SHF: variants seen among roughly 807,000 people sequenced by gnomAD.
SHF encodes the protein SH2 domain-containing adapter protein F.
SHF carries 30 observed loss-of-function variants against 42.4 expected under a neutral mutation model. The ratio of observed to expected loss-of-function variants is 0.71; its 90% CI spans 0.53 to 0.96. The LOEUF (loss-of-function observed/expected upper bound fraction) is 0.96. SHF is among the 40% of genes least tolerant of loss of function. SHF has a pLI of 0.00. For synonymous variants in SHF, 264 were observed against 269.9 expected, an observed-to-expected ratio of 0.98 and a Z score of 0.21; for missense variants, 598 against 634.0, an observed-to-expected ratio of 0.94 and a Z score of 0.61.
chr15:45,188,930 C>A (rs1898613675), upstream of SHF, among the ~76,000 whole-genome samples: 1 of 152,118 alleles, frequency 6.6e-6, no homozygotes, highest in Admixed American at 6.5e-5. Flanking sequence ...CGGTGGCTCA[C>A]GCCTGTAATC....
chr15:45,192,021 C>T (rs1180882140), upstream of SHF, among the ~76,000 whole-genome samples: 1 of 150,848 alleles, frequency 6.6e-6, no homozygotes, highest in Non-Finnish European at 1.5e-5. Flanking sequence ...TTGCCTTATT[C>T]CTCTCCTTTT....
chr15:45,172,123 C>A, intron 5 of SHF, 24 bp downstream of exon 5: 1 of 1,613,816 alleles, frequency 6.2e-7, no homozygotes, highest in East Asian at 2.2e-5. Flanking sequence ...GGGAGGGAGT[C>A]CCCAGCTGGA....
At chr15:45,195,910 C>T (rs1898848032) in intron 2 of SHF, among the ~76,000 whole-genome samples, 1 of 152,146 alleles carries the variant, frequency 6.6e-6, no homozygotes, top group African/African-American at 2.4e-5. Flanking sequence ...CAAGCACATC[C>T]TAGTGTTCTC....
exon 1 of SHF, chr15:45,200,798 A>G (rs1318771301): frequency 2.2e-6 from 1 of 456,278 alleles, no homozygotes. Context: ...TAAGAGCTCC[A>G]GTCCCAGCCA....
upstream of SHF, among the ~76,000 whole-genome samples, chr15:45,190,378 G>T (rs1898679697): frequency 6.6e-6 from 1 of 152,220 alleles, no homozygotes; most frequent in East Asian, 1.9e-4. Flanking sequence ...GGCATGGATA[G>T]GTAACTAATA....
In SHF at chr15:45,172,243, G is replaced by C; in HGVS notation, c.1064C>G (p.Ser355Cys). 1 of 1,613,712 alleles carries C rather than the reference G, an allele frequency of 6.2e-7. No individual in the cohort carries two copies. The highest frequency in any genetic ancestry group is 1.1e-5 in the South Asian group (1 of 91,064). Reference sequence around the variant, plus strand: ...TTTGGCTGACTTGGGGTTCCCTGCAGAGAGTCGGGGAGGTAGCCGCCCCTT... The same window carrying C: ...TTTGGCTGACTTGGGGTTCCCTGCACAGAGTCGGGGAGGTAGCCGCCCCTT... ...EEKGRLPPRL[S>C]AGNPKSAKPL... Residue 355 changes from serine (S) to cysteine (C), a missense_variant, in exon 5 of 7, where the codon TCT (serine) becomes TGT (cysteine). Ser to Cys is a moderately radical substitution (Grantham distance 112). Around this residue, in one of 2 missense-constraint regions of SHF, gnomAD observed 439 missense variants for 524.6 expected, o/e 0.84. Transcript: ENST00000690270.
intron 1 of SHF, among the ~76,000 whole-genome samples, chr15:45,179,291 C>T (rs1648307): frequency 0.39 from 58,856 of 152,152 alleles, 14,177 homozygotes; most frequent in Non-Finnish European, 0.55. Flanking sequence ...GTGATTGGAA[C>T]CCATGCCCTT....
chr15:45,196,836 T>A (rs1246361377), intron 2 of SHF, among the ~76,000 whole-genome samples: 1 of 151,148 alleles, frequency 6.6e-6, no homozygotes, highest in Non-Finnish European at 1.5e-5. Flanking sequence ...GAGGCGGAGC[T>A]TGCAGTGAGC....
At chr15:45,183,798 G>A (rs1242796288) in intron 1 of SHF, among the ~76,000 whole-genome samples, 1 of 152,222 alleles carries the variant, frequency 6.6e-6, no homozygotes, top group Non-Finnish European at 1.5e-5. Flanking sequence ...GCCACAATGT[G>A]GGGTGACAGC....
chr15:45,184,082 C>G (rs1898261125), intron 1 of SHF, among the ~76,000 whole-genome samples: 1 of 152,192 alleles, frequency 6.6e-6, no homozygotes, highest in African/African-American at 2.4e-5. Flanking sequence ...AGCAAACAAA[C>G]AAACCCCAAA....
chr15:45,187,935 G>C lies in SHF; in HGVS notation c.17C>G (p.Ala6Gly), dbSNP rs1188383996. Residue 6 changes from alanine to glycine, a missense_variant, in exon 1 of 7, where the codon GCT becomes GGT. Ala to Gly is a moderately conservative substitution (Grantham distance 60, BLOSUM62 0). Around this residue, in one of 2 missense-constraint regions of SHF, gnomAD observed 159 missense variants for 109.3 expected, o/e 1.45. Coordinates refer to ENST00000690270, the MANE Select transcript of SHF (RefSeq NM_001394037.1). Reference protein sequence around the residue: MLLSGAPPAGSRPGPR... With the variant: MLLSGGPPAGSRPGPR... ...CCCCGGGCGGGAGCCAGCCGGAGGA[G>C]CTCCGCTCAGTAACATGGGGCCAGC... The C allele has an allele frequency of 8.5e-7, 1 of 1,176,332 alleles. No individual in the cohort carries two copies. Among genetic ancestry groups the C allele is most frequent in the African/African-American group, 1.6e-5 (1 of 62,064 alleles). The allele number at this position is 1,176,332 out of a possible 1,614,324, so 72.9% of individuals were successfully genotyped here. A position where few individuals can be genotyped will look rare whatever the true frequency, so the allele number is the denominator to read the frequency against.
chr15:45,187,719 G>A lies in SHF; in HGVS notation c.233C>T (p.Pro78Leu). 1 of 1,092,270 alleles carries A rather than the reference G, an allele frequency of 9.2e-7. No individual in the cohort carries two copies. Among genetic ancestry groups the A allele is most frequent in the Non-Finnish European group, 1.2e-6 (1 of 863,210 alleles). The allele number at this position is 1,092,270 out of a possible 1,614,324, so 67.7% of individuals were successfully genotyped here. A position where few individuals can be genotyped will look rare whatever the true frequency, so the allele number is the denominator to read the frequency against. The part of the protein sequence containing the change: ...KPAPPEPDYR[P>L]PAPSPAAPPA... ...GGGCGCGGCCGGAGAGGGCGCAGGGGGGCGGTAGTCGGGCTCGGGGGGCGC... is the reference window on the plus strand; with the variant it reads ...GGGCGCGGCCGGAGAGGGCGCAGGGAGGCGGTAGTCGGGCTCGGGGGGCGC... Residue 78 changes from proline (P) to leucine (L), a missense_variant, in exon 1 of 7, where the codon CCC (proline) becomes CTC (leucine). Physicochemically the swap from Pro to Leu is moderately conservative, Grantham distance 98 (BLOSUM62 -3). Coordinates refer to ENST00000690270, the MANE Select transcript of SHF (RefSeq NM_001394037.1).
chr15:45,190,198 T>C (rs1898675004), upstream of SHF, among the ~76,000 whole-genome samples: 1 of 152,220 alleles, frequency 6.6e-6, no homozygotes, highest in Non-Finnish European at 1.5e-5. Flanking sequence ...GAGAATCTGA[T>C]GTTGAACTTG....
intron 2 of SHF, 103 bp downstream of exon 2, chr15:45,178,062 A>G (rs1897919569): frequency 6.9e-7 from 1 of 1,446,532 alleles, no homozygotes; most frequent in African/African-American, 1.4e-5. Context: ...CTTTCTCCAT[A>G]TTTTCCAGGG....
rs944721748 is a variant in SHF at position 45,194,434 on chromosome 15, C to A, written c.303+4338G>T. Among the ~76,000 whole-genome samples, 10 of 152,164 alleles carry A rather than the reference C, an allele frequency of 6.6e-5. 1 individual carries two copies. The highest frequency in any genetic ancestry group is 1.0e-4 in the Non-Finnish European group (7 of 68,000). ...TGGCGCGATCTTGGCTCACTGCAAC[C>A]TACACCTCCCGAGTTCCAGCGATTC... On this transcript the variant is annotated intron_variant, in intron 2 of 7. Transcript: ENST00000290894.
At chr15:45,178,008 A>T (rs1897915267) in intron 2 of SHF, among the ~76,000 whole-genome samples, 157 bp downstream of exon 2, 1 of 152,024 alleles carries the variant, frequency 6.6e-6, no homozygotes, top group Non-Finnish European at 1.5e-5. Flanking sequence ...CTCCAAAATG[A>T]CTCTGAAAGG....
At chr15:45,172,067 T>C in intron 5 of SHF, 65 bp from the exon 6 acceptor site, 3 of 1,613,756 alleles carry the variant, frequency 1.9e-6, no homozygotes. Flanking sequence ...GCCCACCCAT[T>C]GTGGGTGTCC....
chr15:45,199,741 A>C (rs1182672294), intron 1 of SHF: 1 of 152,166 alleles, frequency 6.6e-6, no homozygotes, highest in African/African-American at 2.4e-5. Flanking sequence ...CAGAAGACTT[A>C]TAAAGAGGAA....
exon 1 of SHF, chr15:45,201,101 C>G (rs1037483647): frequency 5.9e-6 from 2 of 340,072 alleles, no homozygotes; most frequent in South Asian, 2.3e-5. Flanking sequence ...GCCATCTAGA[C>G]GAGAAGGGCA....
Sources: gnomAD v4.1 joint callset for allele counts (sites outside exome capture counted in the v4.1 genomes callset) on GRCh38, gnomAD v4.1.1 for gene constraint, gnomAD v4.1.1 regional missense constraint, MANE v1.5 for transcripts, NCBI Gene and HGNC (gene_info 2026-07-23, HGNC 2026-07-21) for gene names.